The following PCDH15 variants were observed in gnomAD, a reference collection of about 807,000 sequenced individuals.
The protein encoded by PCDH15 is protocadherin related 15, also known as protocadherin-15.
A neutral mutation model predicts 178.5 loss-of-function variants in PCDH15; 129 were observed. The ratio of observed to expected loss-of-function variants is 0.72; its 90% CI spans 0.63 to 0.84. The LOEUF (loss-of-function observed/expected upper bound fraction) is 0.84, where lower values mean the gene tolerates loss of function less well. Ranked by LOEUF, PCDH15 falls within the 40% of genes least tolerant of loss-of-function variation. The probability of loss-of-function intolerance (pLI) is 0.00; values close to 1 mark genes in which losing one functional copy is unlikely to be tolerated. For synonymous variants in PCDH15, 800 were observed against 732.0 expected (o/e 1.09, Z -1.50); for missense variants, 2,230 against 2,099.9 (o/e 1.06, Z -1.21).
rs142618720 is a variant in PCDH15, at chr10:55,222,730, C to CATATATATATATATAT, written c.-155-56095_-155-56080dup. Among the ~76,000 whole-genome samples the CATATATATATATATAT allele has an allele frequency of 9.9e-4, 120 of 121,104 alleles. 1 individual carries two copies. Among genetic ancestry groups the CATATATATATATATAT allele is most frequent in the South Asian group, 1.8e-3 (7 of 3,788 alleles). 79.4% of individuals were successfully genotyped at this position (121,104 alleles called of 152,430 possible). On this transcript the variant is annotated intron_variant, in intron 1 of 5. Coordinates refer to the PCDH15 transcript ENST00000458638. ...CTTTATACACACACACACACACACA[C>CATATATATATATATAT]ATATATATATATATATATATATATA... is the stretch of plus-strand genomic sequence containing the variant.
intron 2 of PCDH15, among the ~76,000 whole-genome samples, chr10:54,662,205 A>G (rs2094502334): frequency 6.6e-6 from 1 of 151,982 alleles, no homozygotes; most frequent in Non-Finnish European, 1.5e-5. Context: ...ATCAACAAGA[A>G]CAAAACATAT....
intron 1 of PCDH15, among the ~76,000 whole-genome samples, chr10:54,796,361 C>T (rs1204860918): frequency 5.3e-5 from 8 of 150,996 alleles, no homozygotes; most frequent in African/African-American, 1.9e-4. Flanking sequence ...ATCAACCTTC[C>T]TATTATCTGT....
At chr10:54,379,858 CA>C (rs1281455684) in intron 3 of PCDH15, among the ~76,000 whole-genome samples, 1 of 151,722 alleles carries the variant, frequency 6.6e-6, no homozygotes, top group South Asian at 2.1e-4. Context: ...ATGTAGCCTC[CA>C]AAAAAACACT....
intron 3 of PCDH15, among the ~76,000 whole-genome samples, chr10:54,521,379 C>T (rs2082845871): frequency 6.6e-6 from 1 of 152,074 alleles, no homozygotes; most frequent in African/African-American, 2.4e-5. Flanking sequence ...GCTATTTTCT[C>T]ACAAATAATG....
At chr10:54,809,998 C>A (rs1287547403) in intron 3 of PCDH15, among the ~76,000 whole-genome samples, 1 of 152,128 alleles carries the variant, frequency 6.6e-6, no homozygotes, top group African/African-American at 2.4e-5. Flanking sequence ...AGATGCTTCT[C>A]TCAGTTTCAA....
intron 1 of PCDH15, among the ~76,000 whole-genome samples, chr10:55,274,810 T>G (rs1442976377): frequency 6.6e-6 from 1 of 152,042 alleles, no homozygotes; most frequent in Non-Finnish European, 1.5e-5. Context: ...CATTGTATTC[T>G]CATAAGGAGC....
intron 2 of PCDH15, among the ~76,000 whole-genome samples, chr10:55,330,208 T>C (rs1844162664): frequency 6.6e-6 from 1 of 151,822 alleles, no homozygotes; most frequent in Non-Finnish European, 1.5e-5. Flanking sequence ...ATTTGAGGCT[T>C]TTATACATGA....
At chr10:54,958,165 C>A (rs1005765899) in intron 2 of PCDH15, among the ~76,000 whole-genome samples, 1 of 151,800 alleles carries the variant, frequency 6.6e-6, no homozygotes, top group African/African-American at 2.4e-5. Context: ...TCAAAACCAC[C>A]TCTTTTAGAA....
Position 55,624,835 on chromosome 10 carries a change from C to T in PCDH15, c.-156+2790G>A, listed in dbSNP as rs1419711019. 3.9e-5 allele frequency among the ~76,000 whole-genome samples: 6 copies of T among 151,984 alleles called. No homozygotes were observed. In the East Asian group the frequency reaches 9.7e-4, roughly 24 times the overall value. Reference sequence around the variant, plus strand: ...ACCAGACTCACCATTGGGTTCAGAACGTGATCAATCATCTCTTTCACTTTT... The same window carrying T: ...ACCAGACTCACCATTGGGTTCAGAATGTGATCAATCATCTCTTTCACTTTT... On this transcript the variant is annotated intron_variant, in intron 2 of 5. Transcript: ENST00000613346.
chr10:55,266,193 T>C (rs1423173261), intron 1 of PCDH15, among the ~76,000 whole-genome samples: 1 of 146,526 alleles, frequency 6.8e-6, no homozygotes, highest in Non-Finnish European at 1.5e-5. Flanking sequence ...TACTTAACCT[T>C]ATAAAACTTT....
rs375405783 is a variant in PCDH15 at position 54,222,930 on chromosome 10, G to C, written c.986-8882C>G. 1.2e-4 allele frequency among the ~76,000 whole-genome samples: 19 copies of C among 152,246 alleles called. No homozygotes were observed. The East Asian group carries it at 3.3e-3, about 26-fold the overall frequency. On this transcript the variant is annotated intron_variant, in intron 9 of 37. Transcript: ENST00000644397. ...TCAGTTCTTTTTCAGTCTATTGTCAGTGCCTTTTGAAAAGCAAATGCGTTT... is the reference window on the plus strand; with the variant it reads ...TCAGTTCTTTTTCAGTCTATTGTCACTGCCTTTTGAAAAGCAAATGCGTTT...
chr10:54,014,402 C>T (rs544064062), intron 20 of PCDH15, among the ~76,000 whole-genome samples: 1 of 152,156 alleles, frequency 6.6e-6, no homozygotes, highest in Admixed American at 6.5e-5. Flanking sequence ...GGCATCCCTC[C>T]CTCACTCTAT....
rs1367656585 is a variant in PCDH15 at position 53,822,881 on chromosome 10, A to G, written c.4368-2651T>C. The G allele has an allele frequency of 6.2e-7, 1 of 1,613,924 alleles. No individual in the cohort carries two copies. Among genetic ancestry groups the G allele is most frequent in the Non-Finnish European group, 8.5e-7 (1 of 1,179,974 alleles). ...GATTGCTGCTACCTCTTTTGTTTGT[A>G]CAGATTCCAGTGTTTTCATTTTCAG... On this transcript the variant is annotated intron_variant, in intron 32 of 37. Coordinates refer to ENST00000644397, the MANE Select transcript of PCDH15 (RefSeq NM_001384140.1).
intron 1 of PCDH15, among the ~76,000 whole-genome samples, chr10:55,218,074 C>A (rs1184113526): frequency 1.3e-5 from 2 of 151,918 alleles, no homozygotes; most frequent in African/African-American, 4.8e-5. Flanking sequence ...TTTAGAACAC[C>A]AACTATCCTT....
intron 29 of PCDH15, among the ~76,000 whole-genome samples, chr10:53,836,376 G>A (rs973523067): frequency 6.6e-6 from 1 of 152,058 alleles, no homozygotes; most frequent in Non-Finnish European, 1.5e-5. Context: ...TATAAGAGTG[G>A]AACCCAGCAG....
rs976861078 is a variant in PCDH15, at chr10:55,047,991, T to A, written c.-80+118585A>T. ...CCTTCATCTTACAAGCAATGGCTTA[T>A]CAGTACTATGCAGGGTTACTATTTA... is the stretch of plus-strand genomic sequence containing the variant. On this transcript the variant is annotated intron_variant, in intron 2 of 5. Coordinates refer to the PCDH15 transcript ENST00000458638. Among the ~76,000 whole-genome samples the A allele has an allele frequency of 3.3e-5, 5 of 151,810 alleles. No individual in the cohort carries two copies. In the East Asian group the frequency reaches 7.7e-4, roughly 23 times the overall value.
At position 54,352,583 on chromosome 10, in the gene PCDH15, T is replaced by C. The variant is rs12765465; in HGVS notation, c.475-6099A>G. On this transcript the variant is annotated intron_variant, in intron 5 of 37. Transcript: ENST00000644397. ...TACTTATCATATAATGATGATTTGA[T>C]GAAAGAAATGCTACCGGGGTGGCAG... Among the ~76,000 whole-genome samples, 777 of 152,304 alleles carry C rather than the reference T, an allele frequency of 5.1e-3. 11 individuals are homozygous for C. Among genetic ancestry groups the C allele is most frequent in the Non-Finnish European group, 6.0e-3 (406 of 67,998 alleles).
chr10:54,043,327 T>G (rs768558451), intron 18 of PCDH15, among the ~76,000 whole-genome samples: 3 of 151,952 alleles, frequency 2.0e-5, no homozygotes, highest in Non-Finnish European at 4.4e-5. Flanking sequence ...CCACAGACAA[T>G]GACAGACTTT....
chr10:55,621,648 G>A (rs1361304773), intron 2 of PCDH15, among the ~76,000 whole-genome samples: 1 of 152,120 alleles, frequency 6.6e-6, no homozygotes, highest in Non-Finnish European at 1.5e-5. Context: ...AATTCCTGAT[G>A]ATGTGAAGTG....
Sources: gnomAD v4.1 joint callset for allele counts (sites outside exome capture counted in the v4.1 genomes callset) on GRCh38, gnomAD v4.1.1 for gene constraint, MANE v1.5 for transcripts, NCBI Gene and HGNC (gene_info 2026-07-23, HGNC 2026-07-21) for gene names.